RPGRIP1: variants seen among roughly 807,000 people sequenced by gnomAD.
RPGRIP1 encodes the protein X-linked retinitis pigmentosa GTPase regulator-interacting protein 1.
Under a neutral mutation model 157.9 loss-of-function variants are expected in RPGRIP1, and 128 were observed. The observed-to-expected ratio is 0.81, with a 90% CI of 0.70 to 0.94. The LOEUF (loss-of-function observed/expected upper bound fraction) is 0.94. Among genes scored for constraint, RPGRIP1 ranks in the 40% least tolerant of loss-of-function variants. The pLI is 0.00. For synonymous variants in RPGRIP1, 554 were observed against 571.6 expected, an observed-to-expected ratio of 0.97 and a Z score of 0.44; for missense variants, 1,486 against 1,545.8, an observed-to-expected ratio of 0.96 and a Z score of 0.65.
chr14:21,307,488 C>A (rs1459956898), intron 6 of RPGRIP1, among the ~76,000 whole-genome samples: 1 of 152,248 alleles, frequency 6.6e-6, no homozygotes, highest in Non-Finnish European at 1.5e-5. Flanking sequence ...TAGTTATTAT[C>A]TTTTCTCATA....
At position 21,325,013 on chromosome 14, in the gene RPGRIP1, T is replaced by G; in HGVS notation, c.2158T>G (p.Cys720Gly). Residue 720 changes from cysteine to glycine, a missense_variant, in exon 15 of 25, where the codon TGC becomes GGC. By Grantham distance (159) the Cys-to-Gly change is radical. Transcript: ENST00000400017. ...CAGCACTCTTGCTGCAGGATGGATT[T>G]GCTTTGACAGGGTGCTAGAGACTGT... ...EHSTLAAGWI[C>G]FDRVLETVEK... The G allele has an allele frequency of 3.7e-6, 6 of 1,614,046 alleles. No individual in the cohort carries two copies. The highest frequency in any genetic ancestry group is 5.1e-6 in the Non-Finnish European group (6 of 1,179,894).
At position 21,314,920 on chromosome 14, in the gene RPGRIP1, G is replaced by A. The variant is rs193017684; in HGVS notation, c.1151+2414G>A. On this transcript the variant is annotated intron_variant, in intron 10 of 24. Transcript: ENST00000400017. ...GGCCTGTAATCCCAGATACTTGGGA[G>A]GCTGAGGCAGGGCGAATTGCTTGGA... Among the ~76,000 whole-genome samples, 532 of 152,100 alleles carry A rather than the reference G, an allele frequency of 3.5e-3. 2 individuals are homozygous for A. Among genetic ancestry groups the A allele is most frequent in the African/African-American group, 0.012 (506 of 41,492 alleles).
Position 21,330,255 on chromosome 14 carries a change from A to G in RPGRIP1, c.3106A>G (p.Asn1036Asp). The G allele has an allele frequency of 1.9e-6, 3 of 1,560,032 alleles. No individual in the cohort carries two copies. The highest frequency in any genetic ancestry group is 2.6e-6 in the Non-Finnish European group (3 of 1,159,486). Residue 1036 changes from asparagine to aspartate, a missense_variant, in exon 20 of 25, where the codon AAT becomes GAT. Asn to Asp is a conservative substitution (Grantham distance 23). Transcript: ENST00000400017. ...ILNGNTPEQVNYTEWKFSETN... is the reference protein window; with the variant it reads ...ILNGNTPEQVDYTEWKFSETN... ...TGTTGTTCTTATTCTGAAGCAGGTGAATTACACTGAGTGGAAGTTCTCAGA... is the reference window on the plus strand; with the variant it reads ...TGTTGTTCTTATTCTGAAGCAGGTGGATTACACTGAGTGGAAGTTCTCAGA...
In RPGRIP1 at chr14:21,326,477, C is replaced by T. The variant is rs757788085; in HGVS notation, c.2710+304C>T. Among the ~76,000 whole-genome samples, 56 of 152,162 alleles carry T rather than the reference C, an allele frequency of 3.7e-4. 1 individual carries two copies. The highest frequency in any genetic ancestry group is 7.2e-4 in the Non-Finnish European group (49 of 68,002). ...TTCTTTGTTTTTTGAGATGGAGTTT[C>T]GCTCTTGTTGCCCAGGCTAGTAGCT... On this transcript the variant is annotated intron_variant, in intron 17 of 24. Coordinates refer to ENST00000400017, the MANE Select transcript of RPGRIP1 (RefSeq NM_020366.4).
chr14:21,345,239 G>A (rs758003915), intron 23 of RPGRIP1, 42 bp downstream of exon 23: 6 of 1,446,328 alleles, frequency 4.1e-6, no homozygotes, highest in South Asian at 3.7e-5. Flanking sequence ...GAGATATTGA[G>A]ACAGAAATTC....
chr14:21,316,100 C>T (rs1178485978), intron 10 of RPGRIP1, among the ~76,000 whole-genome samples: 1 of 151,684 alleles, frequency 6.6e-6, no homozygotes, highest in African/African-American at 2.4e-5. Flanking sequence ...GCCTCAGCCT[C>T]CTGAGTAGCT....
At chr14:21,325,150 TC>T in intron 15 of RPGRIP1, 80 bp downstream of exon 15, 1 of 1,539,666 alleles carries the variant, frequency 6.5e-7, no homozygotes. Context: ...TCTGGTGGTT[TC>T]TTATTTTCTT....
intron 1 of RPGRIP1, among the ~76,000 whole-genome samples, chr14:21,282,771 G>A (rs779108525): frequency 5.9e-5 from 9 of 151,590 alleles, no homozygotes; most frequent in East Asian, 3.9e-4. Context: ...CACCACACCC[G>A]GCTAATTTTT....
intron 14 of RPGRIP1, 31 bp from the exon 15 acceptor site, chr14:21,324,587 T>C: frequency 1.3e-5 from 21 of 1,583,864 alleles, no homozygotes; most frequent in Non-Finnish European, 1.8e-5. Context: ...CCCTACCCTT[T>C]AACGGATAGG....
intron 10 of RPGRIP1, among the ~76,000 whole-genome samples, chr14:21,314,121 T>G (rs1363174064): frequency 6.6e-6 from 1 of 151,926 alleles, no homozygotes; most frequent in Non-Finnish European, 1.5e-5. Flanking sequence ...CTAATTTTTG[T>G]ATTTTTTGTA....
At chr14:21,309,125 G>A (rs920894985) in intron 7 of RPGRIP1, among the ~76,000 whole-genome samples, 1 of 152,210 alleles carries the variant, frequency 6.6e-6, no homozygotes, top group Non-Finnish European at 1.5e-5. Context: ...TTCTGGAGCT[G>A]CTTTAAAGGA....
chr14:21,297,873 CTTTCTTTT>C (rs1555365064), intron 3 of RPGRIP1, among the ~76,000 whole-genome samples: 1 of 150,754 alleles, frequency 6.6e-6, no homozygotes, highest in African/African-American at 2.4e-5. Context: ...TTCTTTCTTT[CTTTCTTTT>C]TTTTGAGATA....
intron 10 of RPGRIP1, among the ~76,000 whole-genome samples, chr14:21,315,292 G>C (rs566709048): frequency 0.012 from 1,800 of 152,050 alleles, 15 homozygotes; most frequent in Middle Eastern, 0.041. Context: ...TGGATCACGA[G>C]GTCAGGAGAT....
At chr14:21,330,184 GA>G in intron 19 of RPGRIP1, 64 bp from the exon 20 acceptor site, 1 of 1,120,800 alleles carries the variant, frequency 8.9e-7, no homozygotes, top group South Asian at 2.2e-5. Flanking sequence ...AGGCAGGAAG[GA>G]AGGAATGAAG....
Position 21,328,642 on chromosome 14 carries a change from A to T in RPGRIP1, c.3099+15A>T. 1.3e-6 allele frequency: 2 copies of T among 1,560,796 alleles called. No individual in the cohort carries two copies. Among genetic ancestry groups the T allele is most frequent in the Non-Finnish European group, 1.8e-6 (2 of 1,132,990 alleles). ...ATACACCAGAGGTAAGACCTTAAAA[A>T]CTCTGAAGCACTAAATTGTGGGTTG... On this transcript the variant is annotated intron_variant, in intron 19 of 24. Coordinates refer to ENST00000400017, the MANE Select transcript of RPGRIP1 (RefSeq NM_020366.4).
intron 3 of RPGRIP1, among the ~76,000 whole-genome samples, chr14:21,296,167 T>A (rs1214853206): frequency 6.6e-6 from 1 of 151,130 alleles, no homozygotes; most frequent in Non-Finnish European, 1.5e-5. Context: ...AGTGGTGCGA[T>A]CTCGGCTCAC....
At position 21,348,310 on chromosome 14, in the gene RPGRIP1, A is replaced by AT. The variant is rs578107768; in HGVS notation, c.3748+17dup. The AT allele has an allele frequency of 8.1e-4, 1,236 of 1,518,356 alleles. 3 individuals carry two copies. Among genetic ancestry groups the AT allele is most frequent in the South Asian group, 1.6e-3 (126 of 76,584 alleles). The allele number at this position is 1,518,356 out of a possible 1,614,324, so 94.1% of individuals were successfully genotyped here. ...TAGAGCAAGAGCTAGACAGTGAGTCATTTTTTTTTCAGTTCTAATTATTTC... is the reference window on the plus strand; with the variant it reads ...TAGAGCAAGAGCTAGACAGTGAGTCATTTTTTTTTTCAGTTCTAATTATTTC... On this transcript the variant is annotated intron_variant, in intron 24 of 24. Coordinates refer to ENST00000400017, the MANE Select transcript of RPGRIP1 (RefSeq NM_020366.4).
rs8021748 is a variant in RPGRIP1, at chr14:21,302,755, G to A, written c.587+171G>A. 0.23 allele frequency: 95,116 copies of A among 415,210 alleles called. 12,160 individuals carry two copies. Among genetic ancestry groups the A allele is most frequent in the African/African-American group, 0.25 (12,609 of 49,868 alleles). The allele number at this position is 415,210 out of a possible 1,614,324, so 25.7% of individuals were successfully genotyped here. On this transcript the variant is annotated intron_variant, in intron 5 of 24. Transcript: ENST00000400017. ...TTCATTGCTTAAAAGTGGAAAACAA[G>A]CGTCTCTCTGTTCTCTGAGGAAATG... is the stretch of plus-strand genomic sequence containing the variant.
chr14:21,325,860 C>T lies in RPGRIP1; in HGVS notation c.2397C>T (p.Asn799=), dbSNP rs375546482. ...EFRSESWEPQ[N]ELWIEITKCC... ...GATCGGAGTCTTGGGAACCTCAGAA[C>T]GAGCTGTGGATTGAAATCACCAAGT... Residue 799 remains asparagine, a synonymous_variant, in exon 17 of 25, where the codon AAC becomes AAT. Transcript: ENST00000400017. 1.1e-5 allele frequency: 17 copies of T among 1,613,280 alleles called. No individual in the cohort carries two copies. The African/African-American group carries it at 1.1e-4, about 10-fold the overall frequency.
Sources: allele counts gnomAD v4.1 joint callset (sites outside exome capture counted in the v4.1 genomes callset), GRCh38; gene constraint gnomAD v4.1.1; transcripts MANE v1.5; gene names NCBI Gene and HGNC (gene_info 2026-07-23, HGNC 2026-07-21).